Variants in OCA2 observed in about 807,000 individuals in gnomAD.
The protein encoded by OCA2 is P protein.
Under a neutral mutation model 100.2 loss-of-function variants are expected in OCA2, and 77 were observed. The ratio of observed to expected loss-of-function variants is 0.77; its 90% CI spans 0.64 to 0.93. The LOEUF (loss-of-function observed/expected upper bound fraction) is 0.93, where lower values mean the gene tolerates loss of function less well. OCA2 is among the 40% of genes least tolerant of loss of function. The pLI is 0.00. For missense variants in OCA2, 1,062 were observed against 1,089.1 expected (o/e 0.98, Z 0.35); for synonymous variants, 432 against 439.2 (o/e 0.98, Z 0.21).
intron 18 of OCA2, among the ~76,000 whole-genome samples, chr15:27,931,803 C>A (rs2703962): frequency 6.6e-6 from 1 of 152,018 alleles, no homozygotes; most frequent in Non-Finnish European, 1.5e-5. Flanking sequence ...TCCAAACTAC[C>A]CTTTTGTCTC....
At chr15:27,765,110 T>A (rs1172431934) in intron 23 of OCA2, among the ~76,000 whole-genome samples, 1 of 152,104 alleles carries the variant, frequency 6.6e-6, no homozygotes, top group African/African-American at 2.4e-5. Flanking sequence ...AAGGTGCTGG[T>A]GGGAGTGTCT....
At chr15:27,836,964 T>C (rs1171621405) in intron 23 of OCA2, among the ~76,000 whole-genome samples, 1 of 152,236 alleles carries the variant, frequency 6.6e-6, no homozygotes, top group Non-Finnish European at 1.5e-5. Context: ...TACTGGAAGC[T>C]AAATTCCACA....
rs368293640 is a variant in OCA2, at chr15:27,824,578, T to TTCTCTC, written c.2432+20375_2432+20380dup. On this transcript the variant is annotated intron_variant, in intron 23 of 23. Coordinates refer to ENST00000354638, the MANE Select transcript of OCA2 (RefSeq NM_000275.3). ...CTAATTTCTTTTGAATAAATACAAT[T>TTCTCTC]TCTCTCTCTCTCTCTCTCTCTCTCT... Among the ~76,000 whole-genome samples, 36 of 53,608 alleles carry TTCTCTC rather than the reference T, an allele frequency of 6.7e-4. 3 individuals are homozygous for TTCTCTC. Among genetic ancestry groups the TTCTCTC allele is most frequent in the African/African-American group, 2.7e-3 (21 of 7,770 alleles). The allele number at this position is 53,608 out of a possible 152,430, so 35.2% of individuals were successfully genotyped here. A position where few individuals can be genotyped will look rare whatever the true frequency, so the allele number is the denominator to read the frequency against.
At chr15:27,894,484 A>C (rs2037602297) in intron 19 of OCA2, among the ~76,000 whole-genome samples, 1 of 152,240 alleles carries the variant, frequency 6.6e-6, no homozygotes, top group Non-Finnish European at 1.5e-5. Context: ...TGTGCTTTAA[A>C]AGAAGGACAG....
At chr15:27,917,042 G>C (rs908788182) in intron 19 of OCA2, among the ~76,000 whole-genome samples, 2 of 152,148 alleles carry the variant, frequency 1.3e-5, no homozygotes, top group African/African-American at 4.8e-5. Context: ...GGGAATGGCT[G>C]CTTGGGGTAG....
intron 23 of OCA2, among the ~76,000 whole-genome samples, chr15:27,784,266 A>T (rs2032694185): frequency 6.6e-6 from 1 of 152,248 alleles, no homozygotes; most frequent in Admixed American, 6.5e-5. Context: ...CACCCTGAAC[A>T]CAAGGTACCA....
intron 14 of OCA2, among the ~76,000 whole-genome samples, chr15:27,976,836 C>T (rs34058589): frequency 0.54 from 81,485 of 151,888 alleles, 25,316 homozygotes; most frequent in Non-Finnish European, 0.72. Context: ...TTTTCCTTAA[C>T]TATTTGGGAG....
At chr15:27,913,633 G>A (rs1007762691) in intron 19 of OCA2, among the ~76,000 whole-genome samples, 1 of 151,542 alleles carries the variant, frequency 6.6e-6, no homozygotes, top group African/African-American at 2.4e-5. Context: ...CTGAAAGAAA[G>A]TGGGGCCAAA....
the OCA2 span, among the ~76,000 whole-genome samples, chr15:27,739,440 C>CTTTCTTTTTTTT: frequency 1.0e-5 from 1 of 100,062 alleles, no homozygotes; most frequent in African/African-American, 4.5e-5. Context: ...TAATTTCTTT[C>CTTTCTTTTTTTT]TTTTTTTTTT....
chr15:27,739,966 T>C, the OCA2 span, among the ~76,000 whole-genome samples: 1 of 152,170 alleles, frequency 6.6e-6, no homozygotes, highest in Non-Finnish European at 1.5e-5. Context: ...GAGATTTGCA[T>C]TTCAGGCCAT....
At chr15:27,951,472 T>C (rs2040024382) in intron 18 of OCA2, among the ~76,000 whole-genome samples, 1 of 152,182 alleles carries the variant, frequency 6.6e-6, no homozygotes, top group Admixed American at 6.5e-5. Context: ...AAGATGTGGT[T>C]ATTAACTACA....
At chr15:27,942,712 C>T (rs1205800728) in intron 18 of OCA2, among the ~76,000 whole-genome samples, 1 of 152,046 alleles carries the variant, frequency 6.6e-6, no homozygotes, top group Non-Finnish European at 1.5e-5. Flanking sequence ...TTCTCTCTCC[C>T]CCATGATTTC....
intron 9 of OCA2, among the ~76,000 whole-genome samples, chr15:28,004,076 T>C (rs973608357): frequency 1.3e-5 from 2 of 152,260 alleles, no homozygotes; most frequent in Non-Finnish European, 2.9e-5. Context: ...TCTTCCTTCC[T>C]GTGGGTCTCT....
At chr15:27,905,574 G>T (rs1427222014) in intron 19 of OCA2, among the ~76,000 whole-genome samples, 2 of 152,216 alleles carry the variant, frequency 1.3e-5, no homozygotes, top group African/African-American at 4.8e-5. Context: ...GGGGCATGCA[G>T]CCTTGGGGAG....
intron 23 of OCA2, among the ~76,000 whole-genome samples, chr15:27,770,269 T>A (rs1239368190): frequency 6.6e-6 from 1 of 152,074 alleles, no homozygotes; most frequent in East Asian, 1.9e-4. Flanking sequence ...GGCCTCCTGG[T>A]CGCGCGCGGG....
chr15:27,796,711 T>C (rs1158772078), intron 23 of OCA2, among the ~76,000 whole-genome samples: 1 of 152,150 alleles, frequency 6.6e-6, no homozygotes, highest in Non-Finnish European at 1.5e-5. Flanking sequence ...CCTTCCCAAC[T>C]CCGCCGGGCA....
intron 23 of OCA2, among the ~76,000 whole-genome samples, chr15:27,831,967 GC>G (rs1403587917): frequency 6.6e-6 from 1 of 151,088 alleles, no homozygotes; most frequent in Non-Finnish European, 1.5e-5. Context: ...GCCGTCTCCA[GC>G]CCCCCGTGCT....
At chr15:27,982,486 G>A (rs2041200345) in intron 14 of OCA2, among the ~76,000 whole-genome samples, 2 of 152,196 alleles carry the variant, frequency 1.3e-5, no homozygotes, top group Non-Finnish European at 2.9e-5. Context: ...TGGCAAAGTT[G>A]GTGAAGTGTT....
chr15:27,987,814 T>G (rs999052663), intron 11 of OCA2, among the ~76,000 whole-genome samples: 1 of 152,188 alleles, frequency 6.6e-6, no homozygotes, highest in Non-Finnish European at 1.5e-5. Flanking sequence ...TGTTCTATAC[T>G]TTGTCAGGTT....
Sources: allele counts gnomAD v4.1 joint callset (sites outside exome capture counted in the v4.1 genomes callset), GRCh38; gene constraint gnomAD v4.1.1; transcripts MANE v1.5; gene names NCBI Gene and HGNC (gene_info 2026-07-23, HGNC 2026-07-21).